ALDH1L2: variants seen among roughly 807,000 people sequenced by gnomAD.
ALDH1L2 encodes aldehyde dehydrogenase 1 family member L2.
ALDH1L2 carries 91 observed loss-of-function variants against 111.0 expected under a neutral mutation model. The ratio of observed to expected loss-of-function variants is 0.82; its 90% CI spans 0.69 to 0.98. The LOEUF is 0.98. Among genes scored for constraint, ALDH1L2 ranks in the 50% least tolerant of loss-of-function variants. The pLI is 0.00. For missense variants in ALDH1L2, 995 were observed against 1,126.8 expected (o/e 0.88, Z 1.67); for synonymous variants, 374 against 392.6 (o/e 0.95, Z 0.56).
intron 20 of ALDH1L2, 21 bp downstream of exon 20, chr12:105,031,748 C>A (rs780022829): frequency 6.2e-7 from 1 of 1,609,720 alleles, no homozygotes; most frequent in East Asian, 2.2e-5. Flanking sequence ...ACCCGGTAAA[C>A]CCCCACAGAG....
intron 21 of ALDH1L2, among the ~76,000 whole-genome samples, chr12:105,029,427 T>C (rs1874588675): frequency 6.6e-6 from 1 of 152,176 alleles, no homozygotes; most frequent in South Asian, 2.1e-4. Context: ...GTGGACTAAC[T>C]GTCATCTCTG....
chr12:105,048,445 G>C (rs1876050040), intron 13 of ALDH1L2: 1 of 152,152 alleles, frequency 6.6e-6, no homozygotes, highest in African/African-American at 2.4e-5. Context: ...AAAAGGTACT[G>C]GGAAGGTAAG....
chr12:105,077,274 CTTT>C (rs201979000), intron 1 of ALDH1L2, among the ~76,000 whole-genome samples: 3 of 142,486 alleles, frequency 2.1e-5, no homozygotes, highest in East Asian at 2.0e-4. Context: ...TTTCTTTTTT[CTTT>C]TTTTTTTTTT....
At chr12:105,038,938 C>T (rs1875354169) in intron 17 of ALDH1L2, among the ~76,000 whole-genome samples, 1 of 152,102 alleles carries the variant, frequency 6.6e-6, no homozygotes, top group African/African-American at 2.4e-5. Context: ...GAAAAAATAT[C>T]AATTTTTAAA....
chr12:105,076,399 T>C (rs1418403276), intron 1 of ALDH1L2, among the ~76,000 whole-genome samples: 1 of 152,208 alleles, frequency 6.6e-6, no homozygotes, highest in East Asian at 1.9e-4. Flanking sequence ...ATTATCTCAT[T>C]TGATTGCACA....
intron 1 of ALDH1L2, among the ~76,000 whole-genome samples, chr12:105,075,231 C>T (rs1038468075): frequency 2.0e-5 from 3 of 152,196 alleles, no homozygotes; most frequent in Admixed American, 6.5e-5. Context: ...GCTCGGCTGT[C>T]GTCTGGTTAT....
intron 15 of ALDH1L2, among the ~76,000 whole-genome samples, chr12:105,046,503 GA>G (rs1259000131): frequency 1.3e-5 from 2 of 151,530 alleles, no homozygotes. Context: ...CTATTATTAT[GA>G]AAATTTTAAA....
In ALDH1L2 at chr12:105,061,677, A is replaced by T. The variant is rs768018284; in HGVS notation, c.997T>A (p.Ser333Thr). Residue 333 changes from serine to threonine, a missense_variant, in exon 8 of 23, where the codon TCA becomes ACA. Ser to Thr is a moderately conservative substitution (Grantham distance 58). Transcript: ENST00000258494. ...TCTTCAGCTGTCAGTTCTACCACTG[A>T]CGTCTCACCCGTTGAAAAGTACTGA... ...ASQYFSTGETSVVELTAEEVK... is the reference protein window; with the variant it reads ...ASQYFSTGETTVVELTAEEVK... 1 of 1,614,102 alleles carries T rather than the reference A, an allele frequency of 6.2e-7. No homozygotes were observed. The highest frequency in any genetic ancestry group is 8.5e-7 in the Non-Finnish European group (1 of 1,180,018).
chr12:105,050,892 A>G (rs905934718), intron 12 of ALDH1L2, among the ~76,000 whole-genome samples: 1 of 152,088 alleles, frequency 6.6e-6, no homozygotes, highest in African/African-American at 2.4e-5. Flanking sequence ...CCCATGACAC[A>G]TGGGAATTAT....
rs369262952 is a variant in ALDH1L2, at chr12:105,049,008, C to T, written c.1686+900G>A. Among the ~76,000 whole-genome samples, 104 of 151,724 alleles carry T rather than the reference C, an allele frequency of 6.9e-4. 1 individual carries two copies. The highest frequency in any genetic ancestry group is 2.2e-3 in the African/African-American group (89 of 41,346). ...TGGCGCCACTGCACTCCAGCCTGGG[C>T]GACAGAGCAAGACTCCATCTCAAAA... On this transcript the variant is annotated intron_variant, in intron 13 of 22. Coordinates refer to ENST00000258494, the MANE Select transcript of ALDH1L2 (RefSeq NM_001034173.4).
chr12:105,030,430 CT>C lies in ALDH1L2; in HGVS notation c.2411-2del, dbSNP rs2136047599. 1 of 1,601,700 alleles carries C rather than the reference CT, an allele frequency of 6.2e-7. No homozygotes were observed. Among genetic ancestry groups the C allele is most frequent in the South Asian group, 1.1e-5 (1 of 88,092 alleles). ...AACACGGTCGGCTCCATGAAAAAGC[CT>C]TTTTGGAAAAAACAAAGAAAAAATG... On this transcript the variant is annotated splice_acceptor_variant, in intron 20 of 22. Transcript: ENST00000258494. LOFTEE classifies it high-confidence loss of function.
rs1198432047 is a variant in ALDH1L2 at position 105,030,492 on chromosome 12, C to T, written c.2411-63G>A. 9 of 1,360,302 alleles carry T rather than the reference C, an allele frequency of 6.6e-6. No individual in the cohort carries two copies. In the Admixed American group the frequency reaches 1.6e-4, roughly 25 times the overall value. The allele number at this position is 1,360,302 out of a possible 1,614,324, so 84.3% of individuals were successfully genotyped here. ...GTTAAGTCATTTTCAATTAATAGTC[C>T]TCTCACTTAATTACATTATAATTTT... is the stretch of plus-strand genomic sequence containing the variant. On this transcript the variant is annotated intron_variant, in intron 20 of 22. Transcript: ENST00000258494.
At chr12:105,028,397 GC>G (rs1874527130) in intron 21 of ALDH1L2, among the ~76,000 whole-genome samples, 1 of 152,210 alleles carries the variant, frequency 6.6e-6, no homozygotes, top group African/African-American at 2.4e-5. Flanking sequence ...ACAGGCATGA[GC>G]CATTGCGCCT....
rs1876135320 is a variant in ALDH1L2 at position 105,049,760 on chromosome 12, C to T, written c.1686+148G>A. 3 of 843,374 alleles carry T rather than the reference C, an allele frequency of 3.6e-6. No individual in the cohort carries two copies. The South Asian group carries it at 7.7e-5, about 22-fold the overall frequency. 52.2% of individuals were successfully genotyped at this position (843,374 alleles called of 1,614,324 possible). ...TATAAATTACCTAGTCTCAGGTATT[C>T]TGTTACAGCAGCATAAAATGGATTG... On this transcript the variant is annotated intron_variant, in intron 13 of 22. Coordinates refer to ENST00000258494, the MANE Select transcript of ALDH1L2 (RefSeq NM_001034173.4).
chr12:105,021,983 TAA>T lies in ALDH1L2; in HGVS notation c.*2439_*2440del, dbSNP rs1210737321. ...GAATTAGAAGGAAAGTGGAACTGCT[TAA>T]AGTGTCCACACCTCCCGATTCAGGT... On this transcript the variant is annotated 3_prime_UTR_variant, in exon 23 of 23. Coordinates refer to ENST00000258494, the MANE Select transcript of ALDH1L2 (RefSeq NM_001034173.4). 2 of 152,224 alleles carry T rather than the reference TAA, an allele frequency of 1.3e-5. No homozygotes were observed. Among genetic ancestry groups the T allele is most frequent in the Non-Finnish European group, 2.9e-5 (2 of 68,048 alleles). 9.4% of individuals were successfully genotyped at this position (152,224 alleles called of 1,614,324 possible). A position where few individuals can be genotyped will look rare whatever the true frequency, so the allele number is the denominator to read the frequency against.
intron 1 of ALDH1L2, among the ~76,000 whole-genome samples, chr12:105,077,800 G>A (rs188374562): frequency 6.6e-6 from 1 of 150,886 alleles, no homozygotes; most frequent in African/African-American, 2.4e-5. Flanking sequence ...GGCACAGTGC[G>A]AAGAGTCTGC....
In ALDH1L2 at chr12:105,022,680, T is replaced by C. The variant is rs1170299246; in HGVS notation, c.*1744A>G. ...TTAAAATTTCAGCTGTGCCAAACTCTGGGATGGTAAATGAGCTATAGTATA... is the reference window on the plus strand; with the variant it reads ...TTAAAATTTCAGCTGTGCCAAACTCCGGGATGGTAAATGAGCTATAGTATA... On this transcript the variant is annotated 3_prime_UTR_variant, in exon 23 of 23. Transcript: ENST00000258494. 1.3e-5 allele frequency: 2 copies of C among 152,338 alleles called. No individual in the cohort carries two copies. The highest frequency in any genetic ancestry group is 3.4e-3 in the Middle Eastern group (1 of 294). The allele number at this position is 152,338 out of a possible 1,614,324, so 9.4% of individuals were successfully genotyped here. A position where few individuals can be genotyped will look rare whatever the true frequency, so the allele number is the denominator to read the frequency against.
At chr12:105,067,850 G>T (rs1877464534) in intron 4 of ALDH1L2, among the ~76,000 whole-genome samples, 1 of 152,160 alleles carries the variant, frequency 6.6e-6, no homozygotes, top group South Asian at 2.1e-4. Context: ...TATGTTGATT[G>T]TAATGATCAT....
At chr12:105,061,295 C>T (rs1035009766) in intron 8 of ALDH1L2, among the ~76,000 whole-genome samples, 10 of 152,118 alleles carry the variant, frequency 6.6e-5, no homozygotes, top group Non-Finnish European at 1.2e-4. Context: ...ACCTCCTCCA[C>T]GCCATTCTAC....
Sources: gnomAD v4.1 joint callset for allele counts (sites outside exome capture counted in the v4.1 genomes callset) on GRCh38, gnomAD v4.1.1 for gene constraint, MANE v1.5 for transcripts, NCBI Gene and HGNC (gene_info 2026-07-23, HGNC 2026-07-21) for gene names.